CA5A: variants seen among roughly 807,000 people sequenced by gnomAD.
CA5A encodes carbonic anhydrase 5A, also known as carbonic anhydrase 5A, mitochondrial.
In CA5A, 28 loss-of-function variants were observed where a neutral mutation model predicts 37.1. That is an observed-to-expected ratio of 0.75 (90% CI 0.56 to 1.03). The LOEUF (loss-of-function observed/expected upper bound fraction) is 1.03, where lower values mean the gene tolerates loss of function less well. Among genes scored for constraint, CA5A ranks in the 50% least tolerant of loss-of-function variants. CA5A has a pLI of 0.00. For synonymous variants in CA5A, 171 were observed against 158.4 expected, an observed-to-expected ratio of 1.08 and a Z score of -0.60; for missense variants, 444 against 399.9, an observed-to-expected ratio of 1.11 and a Z score of -0.94.
At chr16:87,920,527 C>A (rs930498326) in intron 2 of CA5A, among the ~76,000 whole-genome samples, 7 of 152,078 alleles carry the variant, frequency 4.6e-5, no homozygotes, top group African/African-American at 1.7e-4. Context: ...CCAGGCTGGT[C>A]TGGAACTCCT....
chr16:87,885,224 G>A (rs1258331793), downstream of CA5A: 2 of 165,804 alleles, frequency 1.2e-5, no homozygotes, highest in Non-Finnish European at 2.6e-5. Context: ...GAGGGTGAAA[G>A]GCAGCCCCAG....
intron 5 of CA5A, among the ~76,000 whole-genome samples, chr16:87,899,463 T>G (rs1053278860): frequency 6.6e-6 from 1 of 150,760 alleles, no homozygotes; most frequent in South Asian, 2.1e-4. Flanking sequence ...CCACCACGCC[T>G]GGCTAATTTT....
intron 5 of CA5A, chr16:87,892,952 G>T (rs7193897): frequency 7.7e-5 from 69 of 891,756 alleles, no homozygotes; most frequent in African/African-American, 7.2e-4. Flanking sequence ...CGGCCTATGG[G>T]CTCCTTTTTA....
downstream of CA5A, chr16:87,887,809 G>A (rs1226456537): frequency 4.3e-6 from 1 of 230,534 alleles, no homozygotes; most frequent in Non-Finnish European, 8.5e-6. Context: ...CCTTGGTGTC[G>A]GGCTTCTGGC....
At position 87,904,776 on chromosome 16, in the gene CA5A, G is replaced by A. The variant is rs368408382; in HGVS notation, c.459+10C>T. On this transcript the variant is annotated intron_variant, in intron 3 of 6. Transcript: ENST00000649794. ...GTGCAGATATGTGCTGTTAGGCCAC[G>A]TCTACAAACCTCTGCGGGGTACGCG... The A allele has an allele frequency of 1.5e-4, 234 of 1,548,196 alleles. 1 individual carries two copies. Among genetic ancestry groups the A allele is most frequent in the Non-Finnish European group, 1.9e-4 (211 of 1,120,042 alleles).
intron 5 of CA5A, among the ~76,000 whole-genome samples, chr16:87,900,320 G>C (rs1243247993): frequency 6.6e-6 from 1 of 152,248 alleles, no homozygotes; most frequent in South Asian, 2.1e-4. Flanking sequence ...GCCTTGTGAA[G>C]TTCCTGAGCA....
At chr16:87,932,741 C>T (rs1024473246) in intron 1 of CA5A, among the ~76,000 whole-genome samples, 9 of 152,074 alleles carry the variant, frequency 5.9e-5, no homozygotes, top group Admixed American at 1.3e-4. Flanking sequence ...CTAATTCACA[C>T]GGGCGCAGTC....
At chr16:87,912,711 G>T (rs977112445) in intron 2 of CA5A, among the ~76,000 whole-genome samples, 1 of 152,346 alleles carries the variant, frequency 6.6e-6, no homozygotes, top group Non-Finnish European at 1.5e-5. Flanking sequence ...CCCTAAACTT[G>T]CTTGGGACGC....
At chr16:87,915,973 G>A (rs192863874) in intron 2 of CA5A, among the ~76,000 whole-genome samples, 139 of 152,066 alleles carry the variant, frequency 9.1e-4, no homozygotes, top group African/African-American at 3.1e-3. Context: ...GGCTGGGGAG[G>A]CCTCGCAATC....
At chr16:87,918,979 G>C (rs146406353) in intron 2 of CA5A, among the ~76,000 whole-genome samples, 2 of 143,558 alleles carry the variant, frequency 1.4e-5, no homozygotes, top group Non-Finnish European at 3.0e-5. Context: ...AAATGACAAA[G>C]TGAAACCAGA....
At chr16:87,881,797 T>C (rs2055609661) in exon 5 of CA5A, 1 of 152,184 alleles carries the variant, frequency 6.6e-6, no homozygotes, top group African/African-American at 2.4e-5. Flanking sequence ...TCTCGGCGTG[T>C]TTGTGGTTTC....
chr16:87,896,338 A>G (rs917939137), intron 5 of CA5A, among the ~76,000 whole-genome samples: 1 of 152,118 alleles, frequency 6.6e-6, no homozygotes, highest in Non-Finnish European at 1.5e-5. Context: ...TGAGAAGAGG[A>G]TGCCTGTGTG....
intron 2 of CA5A, among the ~76,000 whole-genome samples, chr16:87,908,125 A>C (rs1255358614): frequency 6.6e-6 from 1 of 152,216 alleles, no homozygotes; most frequent in Non-Finnish European, 1.5e-5. Context: ...TCTGTGTGTT[A>C]CAGTGGAATC....
chr16:87,928,320 TG>T (rs1277636172), intron 1 of CA5A, among the ~76,000 whole-genome samples: 1 of 152,106 alleles, frequency 6.6e-6, no homozygotes. Flanking sequence ...AACACCACCA[TG>T]CCTGGCTAAC....
At chr16:87,915,526 ATT>A (rs59358304) in intron 2 of CA5A, among the ~76,000 whole-genome samples, 23 of 73,004 alleles carry the variant, frequency 3.2e-4, no homozygotes, top group African/African-American at 9.4e-4. Flanking sequence ...CTGTGTCAAA[ATT>A]TTTTTTTTTT....
downstream of CA5A, chr16:87,888,001 C>A: frequency 7.2e-7 from 1 of 1,387,222 alleles, no homozygotes. Flanking sequence ...AAAAGTACTT[C>A]GACTAAAACA....
intron 2 of CA5A, among the ~76,000 whole-genome samples, chr16:87,918,596 T>G (rs2056188064): frequency 6.6e-6 from 1 of 152,256 alleles, no homozygotes; most frequent in Admixed American, 6.5e-5. Flanking sequence ...TCGCTTTGTT[T>G]CTGGCCCTGC....
intron 1 of CA5A, among the ~76,000 whole-genome samples, chr16:87,929,449 C>CT (rs1162013035): frequency 1.7e-5 from 2 of 118,406 alleles, no homozygotes; most frequent in African/African-American, 7.0e-5. Flanking sequence ...CAAATTCGGT[C>CT]TCAAAAAAAA....
chr16:87,909,428 G>A (rs915137370), intron 2 of CA5A, among the ~76,000 whole-genome samples: 4 of 152,224 alleles, frequency 2.6e-5, no homozygotes, highest in South Asian at 2.1e-4. Context: ...GGAGGGAAGC[G>A]AAACGTTCGT....
Sources: allele counts gnomAD v4.1 joint callset (sites outside exome capture counted in the v4.1 genomes callset), GRCh38; gene constraint gnomAD v4.1.1; transcripts MANE v1.5; gene names NCBI Gene and HGNC (gene_info 2026-07-23, HGNC 2026-07-21).